Variants in SORCS1 observed in about 807,000 individuals in gnomAD.
SORCS1 encodes VPS10 domain-containing receptor SorCS1.
In SORCS1, 60 loss-of-function variants were observed where a neutral mutation model predicts 146.1. That is an observed-to-expected ratio of 0.41 (90% CI 0.33 to 0.51). SORCS1 has a LOEUF of 0.51. SORCS1 is among the 20% of genes least tolerant of loss of function. The probability of loss-of-function intolerance (pLI) is 0.21; values close to 1 mark genes in which losing one functional copy is unlikely to be tolerated. For synonymous variants in SORCS1, 637 were observed against 584.0 expected, an observed-to-expected ratio of 1.09 and a Z score of -1.31; for missense variants, 1,352 against 1,487.6, an observed-to-expected ratio of 0.91 and a Z score of 1.50.
At chr10:106,836,245 CG>C (rs1419408309) in intron 2 of SORCS1, among the ~76,000 whole-genome samples, 1 of 151,722 alleles carries the variant, frequency 6.6e-6, no homozygotes, top group African/African-American at 2.4e-5. Context: ...GAGGCCGAGG[CG>C]GGCAGATCAC....
the SORCS1 span, among the ~76,000 whole-genome samples, chr10:107,174,234 C>A: frequency 2.6e-5 from 4 of 152,156 alleles, no homozygotes; most frequent in Admixed American, 2.0e-4. Flanking sequence ...GAGATGGAGT[C>A]TTGCTCTGTC....
chr10:106,615,754 A>C (rs1589480041), intron 21 of SORCS1, among the ~76,000 whole-genome samples: 1 of 152,196 alleles, frequency 6.6e-6, no homozygotes, highest in East Asian at 1.9e-4. Context: ...AACCTTGCCA[A>C]ATCTCTTAAC....
chr10:106,767,696 G>T (rs1227447716), intron 4 of SORCS1, among the ~76,000 whole-genome samples: 4 of 151,472 alleles, frequency 2.6e-5, no homozygotes, highest in Admixed American at 6.6e-5. Flanking sequence ...TCACGATGTT[G>T]ACCAGGCTGG....
intron 1 of SORCS1, among the ~76,000 whole-genome samples, chr10:107,107,032 C>T (rs760534644): frequency 6.6e-6 from 1 of 152,182 alleles, no homozygotes; most frequent in South Asian, 2.1e-4. Context: ...CCAGTTATGG[C>T]ATTCTGTTAT....
chr10:106,607,467 T>C (rs1290103954), intron 22 of SORCS1, among the ~76,000 whole-genome samples, 170 bp from the exon 23 acceptor site: 8 of 152,160 alleles, frequency 5.3e-5, no homozygotes. Context: ...ACTGGGCTAT[T>C]AGGTCCAGGC....
intron 3 of SORCS1, among the ~76,000 whole-genome samples, chr10:106,811,890 G>C (rs923151285): frequency 2.6e-5 from 4 of 152,150 alleles, no homozygotes; most frequent in Non-Finnish European, 5.9e-5. Context: ...CCACATCCTT[G>C]CATGGTTACC....
At chr10:106,704,160 G>A (rs1854337214) in intron 8 of SORCS1, among the ~76,000 whole-genome samples, 1 of 152,128 alleles carries the variant, frequency 6.6e-6, no homozygotes, top group Admixed American at 6.5e-5. Context: ...ACATTTCTTT[G>A]ATTTTAAACT....
rs764699110 is a variant in SORCS1, at chr10:106,654,885, C to T, written c.2304-2332G>A. 1.2e-3 allele frequency among the ~76,000 whole-genome samples: 183 copies of T among 152,048 alleles called. 1 individual carries two copies. The highest frequency in any genetic ancestry group is 2.4e-3 in the Non-Finnish European group (164 of 67,986). On this transcript the variant is annotated intron_variant, in intron 17 of 25. Coordinates refer to ENST00000263054, the MANE Select transcript of SORCS1 (RefSeq NM_052918.5). Reference sequence around the variant, plus strand: ...TTTTTTTGTTTGAGACAGTCTCGCTCTGTTGCCCAGGCTTTACTTGGCTCA... The same window carrying T: ...TTTTTTTGTTTGAGACAGTCTCGCTTTGTTGCCCAGGCTTTACTTGGCTCA...
chr10:106,755,644 C>G (rs1322284484), intron 5 of SORCS1, among the ~76,000 whole-genome samples: 1 of 151,896 alleles, frequency 6.6e-6, no homozygotes, highest in East Asian at 1.9e-4. Flanking sequence ...TTTCCTCCAA[C>G]CTTGAACCAT....
intron 1 of SORCS1, among the ~76,000 whole-genome samples, chr10:107,006,770 T>C (rs563947317): frequency 1.3e-3 from 197 of 152,330 alleles, no homozygotes; most frequent in African/African-American, 4.5e-3. Context: ...TGAGCCGAGA[T>C]TGTGCCACTG....
chr10:107,155,037 T>G (rs1185753721), intron 1 of SORCS1, among the ~76,000 whole-genome samples: 1 of 152,200 alleles, frequency 6.6e-6, no homozygotes, highest in African/African-American at 2.4e-5. Context: ...TCATGTGTAC[T>G]TTCTGCCATT....
Position 106,734,428 on chromosome 10 carries a change from G to A in SORCS1, c.960-4314C>T, listed in dbSNP as rs566396882. Among the ~76,000 whole-genome samples, 16 of 152,252 alleles carry A rather than the reference G, an allele frequency of 1.1e-4. No individual in the cohort carries two copies. The South Asian group carries it at 3.1e-3, about 30-fold the overall frequency. The stretch of plus-strand genomic sequence containing the variant: ...CTTTCAGAATGATGAACATACTTTT[G>A]CACAGAAAAAATTAGGCCATGTTAT... On this transcript the variant is annotated intron_variant, in intron 5 of 25. Transcript: ENST00000263054.
rs1032053218 is a variant in SORCS1, at chr10:106,724,669, C to A, written c.1024+5381G>T. Among the ~76,000 whole-genome samples, 36 of 152,248 alleles carry A rather than the reference C, an allele frequency of 2.4e-4. 2 individuals carry two copies. The Middle Eastern group carries it at 0.01, about 43-fold the overall frequency. The stretch of plus-strand genomic sequence containing the variant: ...AGTATAACATGTAATCTAGGGACAT[C>A]TGAAATAGACCAAAACTAAATTTTG... On this transcript the variant is annotated intron_variant, in intron 6 of 25. Coordinates refer to ENST00000263054, the MANE Select transcript of SORCS1 (RefSeq NM_052918.5).
At chr10:106,765,955 A>G (rs1476987745) in intron 4 of SORCS1, among the ~76,000 whole-genome samples, 1 of 152,164 alleles carries the variant, frequency 6.6e-6, no homozygotes, top group Admixed American at 6.5e-5. Flanking sequence ...CATCCATTTC[A>G]AAGAAATTTG....
At chr10:106,656,190 C>T (rs190506599) in intron 17 of SORCS1, among the ~76,000 whole-genome samples, 128 of 152,244 alleles carry the variant, frequency 8.4e-4, no homozygotes, top group Non-Finnish European at 1.3e-3. Flanking sequence ...ATGCTTCTGT[C>T]ACATTTTCCT....
intron 18 of SORCS1, among the ~76,000 whole-genome samples, chr10:106,649,942 G>C (rs1443711718): frequency 1.3e-5 from 2 of 151,680 alleles, no homozygotes; most frequent in Admixed American, 1.3e-4. Flanking sequence ...ATTTCTATTT[G>C]GTATTTCTTA....
At chr10:106,940,674 A>G (rs1953993748) in intron 2 of SORCS1, among the ~76,000 whole-genome samples, 1 of 152,180 alleles carries the variant, frequency 6.6e-6, no homozygotes, top group Non-Finnish European at 1.5e-5. Context: ...ACCTGAGGTA[A>G]GGAGTTCCAG....
chr10:106,738,951 G>C lies in SORCS1; in HGVS notation c.960-8837C>G, dbSNP rs142805732. Among the ~76,000 whole-genome samples, 257 of 152,298 alleles carry C rather than the reference G, an allele frequency of 1.7e-3. 1 individual carries two copies. The highest frequency in any genetic ancestry group is 5.1e-3 in the African/African-American group (212 of 41,578). The stretch of plus-strand genomic sequence containing the variant: ...AATCTGTCCACTTTGGCCTCCCAAA[G>C]TTCTGAGATGACAGGCGTGAGCCGC... On this transcript the variant is annotated intron_variant, in intron 5 of 25. Coordinates refer to ENST00000263054, the MANE Select transcript of SORCS1 (RefSeq NM_052918.5).
At chr10:106,647,018 T>C (rs1849497760) in intron 18 of SORCS1, among the ~76,000 whole-genome samples, 1 of 129,614 alleles carries the variant, frequency 7.7e-6, no homozygotes, top group African/African-American at 3.1e-5. Flanking sequence ...TATATATATA[T>C]ATATATATAT....
Sources: allele counts gnomAD v4.1 joint callset (sites outside exome capture counted in the v4.1 genomes callset), GRCh38; gene constraint gnomAD v4.1.1; transcripts MANE v1.5; gene names NCBI Gene and HGNC (gene_info 2026-07-23, HGNC 2026-07-21).